The following TENM4 variants were observed in gnomAD, a reference collection of about 807,000 sequenced individuals.
TENM4 encodes teneurin transmembrane protein 4.
TENM4 carries 82 observed loss-of-function variants against 243.3 expected under a neutral mutation model. That is an observed-to-expected ratio of 0.34 (90% confidence interval 0.28 to 0.40). The LOEUF is 0.40. TENM4 is among the 10% of genes least tolerant of loss of function. The probability of loss-of-function intolerance (pLI) is 1.00; values close to 1 mark genes in which losing one functional copy is unlikely to be tolerated. For missense variants in TENM4, 3,138 were observed against 3,673.3 expected, an observed-to-expected ratio of 0.85 and a Z score of 3.77; for synonymous variants, 1,412 against 1,456.3, an observed-to-expected ratio of 0.97 and a Z score of 0.69.
chr11:78,727,792 A>T (rs958129381), intron 22 of TENM4, among the ~76,000 whole-genome samples: 2 of 152,230 alleles, frequency 1.3e-5, no homozygotes, highest in Non-Finnish European at 2.9e-5. Context: ...AGAGACAGGA[A>T]TGCTATTTCT....
At chr11:79,435,323 A>G (rs1859249470) in intron 1 of TENM4, among the ~76,000 whole-genome samples, 1 of 152,258 alleles carries the variant, frequency 6.6e-6, no homozygotes, top group Admixed American at 6.5e-5. Flanking sequence ...TACAGAGAAC[A>G]TTCAGGGATC....
chr11:78,863,635 A>G (rs1310741397), intron 9 of TENM4, among the ~76,000 whole-genome samples: 1 of 152,222 alleles, frequency 6.6e-6, no homozygotes, highest in African/African-American at 2.4e-5. Flanking sequence ...AGACTCTGAA[A>G]TACTATTTTT....
chr11:79,347,235 G>A (rs2135471023), intron 1 of TENM4, among the ~76,000 whole-genome samples: 1 of 152,256 alleles, frequency 6.6e-6, no homozygotes, highest in South Asian at 2.1e-4. Context: ...AAGCTTCCAG[G>A]CAGGTCCTTC....
chr11:79,070,491 C>T (rs186519397), intron 4 of TENM4, among the ~76,000 whole-genome samples: 47 of 152,310 alleles, frequency 3.1e-4, no homozygotes, highest in Non-Finnish European at 5.9e-4. Flanking sequence ...TGTTATTACT[C>T]TCTCCAACCT....
At chr11:79,180,373 C>T (rs73508603) in intron 3 of TENM4, among the ~76,000 whole-genome samples, 5,681 of 151,608 alleles carry the variant, frequency 0.037, 396 homozygotes, top group African/African-American at 0.13. Context: ...ATGGCACATA[C>T]GATCTATAGA....
intron 2 of TENM4, among the ~76,000 whole-genome samples, chr11:79,256,586 A>G (rs1855704295): frequency 6.6e-6 from 1 of 152,234 alleles, no homozygotes; most frequent in African/African-American, 2.4e-5. Context: ...CAAGAGAACC[A>G]TTTGAGTTTC....
At chr11:79,359,635 G>A (rs139733678) in intron 1 of TENM4, among the ~76,000 whole-genome samples, 32 of 152,250 alleles carry the variant, frequency 2.1e-4, no homozygotes, top group African/African-American at 7.5e-4. Context: ...AAGTCTGCTG[G>A]GAAGTGCTGA....
At chr11:79,419,906 G>A (rs1858894407) in intron 1 of TENM4, among the ~76,000 whole-genome samples, 1 of 152,162 alleles carries the variant, frequency 6.6e-6, no homozygotes, top group Admixed American at 6.5e-5. Context: ...CAAGGTGGGT[G>A]CGGGGAGGGA....
At chr11:78,953,240 G>C (rs1857140678) in intron 6 of TENM4, among the ~76,000 whole-genome samples, 1 of 152,188 alleles carries the variant, frequency 6.6e-6, no homozygotes, top group Non-Finnish European at 1.5e-5. Context: ...TACATGCTAT[G>C]TTTGTTTAGC....
intron 2 of TENM4, among the ~76,000 whole-genome samples, chr11:79,278,268 A>G (rs945412224): frequency 6.6e-6 from 1 of 152,244 alleles, no homozygotes; most frequent in South Asian, 2.1e-4. Flanking sequence ...AGAAAGGAAT[A>G]GACTCAATGA....
intron 6 of TENM4, among the ~76,000 whole-genome samples, chr11:78,916,874 A>G (rs1159938796): frequency 2.0e-5 from 3 of 152,212 alleles, no homozygotes; most frequent in African/African-American, 7.2e-5. Context: ...AAATCTGCCC[A>G]TGGTCACACT....
chr11:78,803,883 C>G (rs535029843), intron 15 of TENM4, among the ~76,000 whole-genome samples: 2 of 152,206 alleles, frequency 1.3e-5, no homozygotes, highest in African/African-American at 4.8e-5. Flanking sequence ...TTCCTAAGAC[C>G]CTGCACATCT....
chr11:78,794,729 T>C (rs140326474), intron 15 of TENM4, among the ~76,000 whole-genome samples: 28 of 152,254 alleles, frequency 1.8e-4, no homozygotes, highest in African/African-American at 5.8e-4. Context: ...TAGAAGGAGA[T>C]TGAGCCAGGA....
intron 6 of TENM4, among the ~76,000 whole-genome samples, chr11:78,953,551 C>A (rs1857148374): frequency 6.6e-6 from 1 of 152,052 alleles, no homozygotes; most frequent in Non-Finnish European, 1.5e-5. Flanking sequence ...TACAACTGCC[C>A]CTCCAAATCC....
chr11:79,142,971 A>G (rs1488335570), intron 4 of TENM4, among the ~76,000 whole-genome samples: 2 of 152,082 alleles, frequency 1.3e-5, no homozygotes, highest in Non-Finnish European at 1.5e-5. Context: ...CAAAACCACA[A>G]TGAGATACCA....
intron 3 of TENM4, among the ~76,000 whole-genome samples, chr11:79,207,692 C>A (rs1373188182): frequency 6.6e-6 from 1 of 151,752 alleles, no homozygotes; most frequent in African/African-American, 2.4e-5. Context: ...TGGTGAAACC[C>A]CGTCTCTACA....
chr11:79,291,843 C>T (rs1169588605), intron 2 of TENM4, among the ~76,000 whole-genome samples: 5 of 152,170 alleles, frequency 3.3e-5, no homozygotes, highest in Non-Finnish European at 7.3e-5. Context: ...GTAGTCTCCC[C>T]AAGCACTTGT....
At chr11:79,161,299 C>T (rs1862741820) in intron 3 of TENM4, among the ~76,000 whole-genome samples, 1 of 152,214 alleles carries the variant, frequency 6.6e-6, no homozygotes, top group Non-Finnish European at 1.5e-5. Context: ...AACACTCTTG[C>T]CTTACCTTAT....
At chr11:78,918,457 A>G (rs1352245487) in intron 6 of TENM4, among the ~76,000 whole-genome samples, 3 of 152,196 alleles carry the variant, frequency 2.0e-5, no homozygotes, top group Non-Finnish European at 2.9e-5. Context: ...TGTTAAAAAA[A>G]AAAAAAAGGG....
Sources: allele counts gnomAD v4.1 joint callset (sites outside exome capture counted in the v4.1 genomes callset), GRCh38; gene constraint gnomAD v4.1.1; transcripts MANE v1.5; gene names NCBI Gene and HGNC (gene_info 2026-07-23, HGNC 2026-07-21).